Variants in GRB10 observed in about 807,000 individuals in gnomAD.
GRB10 encodes the protein growth factor receptor-bound protein 10.
Under a neutral mutation model 80.9 loss-of-function variants are expected in GRB10, and 20 were observed. That is an observed-to-expected ratio of 0.25 (90% CI 0.17 to 0.36). The LOEUF is 0.36. GRB10 is among the 10% of genes least tolerant of loss of function. The pLI is 1.00. For missense variants in GRB10, 548 were observed against 747.7 expected, an observed-to-expected ratio of 0.73 and a Z score of 3.12; for synonymous variants, 291 against 291.5, an observed-to-expected ratio of 1.00 and a Z score of 0.02.
chr7:50,754,749 G>C (rs1348626970), intron 3 of GRB10, among the ~76,000 whole-genome samples: 1 of 152,160 alleles, frequency 6.6e-6, no homozygotes, highest in East Asian at 1.9e-4. Flanking sequence ...AGGTCCCCCA[G>C]CCTCCCTTCA....
chr7:50,715,294 G>C (rs771213686), intron 4 of GRB10, among the ~76,000 whole-genome samples: 1 of 151,754 alleles, frequency 6.6e-6, no homozygotes, highest in Non-Finnish European at 1.5e-5. Flanking sequence ...GGCAGGGCAA[G>C]AGGACGGCGG....
At chr7:50,706,521 G>A (rs906665435) in intron 4 of GRB10, among the ~76,000 whole-genome samples, 1 of 152,104 alleles carries the variant, frequency 6.6e-6, no homozygotes. Context: ...GGAGGCAACC[G>A]CCTGTTTCAT....
chr7:50,610,775 A>T (rs1174289074), intron 13 of GRB10, among the ~76,000 whole-genome samples: 1 of 152,180 alleles, frequency 6.6e-6, no homozygotes, highest in Non-Finnish European at 1.5e-5. Flanking sequence ...ATATTATGTA[A>T]CACATCATTG....
chr7:50,774,144 G>A (rs1362558270), intron 2 of GRB10, among the ~76,000 whole-genome samples: 1 of 152,202 alleles, frequency 6.6e-6, no homozygotes, highest in Non-Finnish European at 1.5e-5. Context: ...AAATGTCCTG[G>A]ACAGGGAAAT....
intron 7 of GRB10, among the ~76,000 whole-genome samples, chr7:50,651,033 G>C (rs1055177820): frequency 6.6e-6 from 1 of 152,160 alleles, no homozygotes; most frequent in African/African-American, 2.4e-5. Flanking sequence ...CTTCCACTAT[G>C]ATTTTACCTA....
chr7:50,774,553 G>C (rs2077376205), intron 2 of GRB10, among the ~76,000 whole-genome samples: 1 of 152,118 alleles, frequency 6.6e-6, no homozygotes, highest in Non-Finnish European at 1.5e-5. Context: ...CCTTTGATGG[G>C]GGCAAGAATC....
At position 50,694,660 on chromosome 7, in the gene GRB10, C is replaced by G. The variant is rs149307946; in HGVS notation, c.139+9161G>C. On this transcript the variant is annotated intron_variant, in intron 5 of 18. Transcript: ENST00000401949. Reference sequence around the variant, plus strand: ...CACAGGCTGGCACTGATTACTGAAGCCTGTCTTCCTGGGGATGAGACCTCA... The same window carrying G: ...CACAGGCTGGCACTGATTACTGAAGGCTGTCTTCCTGGGGATGAGACCTCA... 1.2e-3 allele frequency among the ~76,000 whole-genome samples: 179 copies of G among 152,268 alleles called. 1 individual carries two copies. Among genetic ancestry groups the G allele is most frequent in the African/African-American group, 4.0e-3 (168 of 41,546 alleles).
At chr7:50,705,160 G>C in intron 4 of GRB10, 1 of 985,678 alleles carries the variant, frequency 1.0e-6, no homozygotes, top group Non-Finnish European at 1.2e-6. Flanking sequence ...ACAGGTTTAG[G>C]TCTGGTCAAC....
chr7:50,642,554 C>A (rs1035770857), intron 7 of GRB10, among the ~76,000 whole-genome samples: 2 of 151,798 alleles, frequency 1.3e-5, no homozygotes, highest in African/African-American at 2.4e-5. Context: ...ATACAAAATC[C>A]AAAAAACTCT....
chr7:50,602,070 C>T (rs1165316395), intron 17 of GRB10, among the ~76,000 whole-genome samples: 1 of 148,578 alleles, frequency 6.7e-6, no homozygotes, highest in Admixed American at 6.7e-5. Flanking sequence ...AAACTAACAA[C>T]AAAAACACCC....
At chr7:50,653,140 G>A (rs890817930) in intron 7 of GRB10, among the ~76,000 whole-genome samples, 31 of 152,154 alleles carry the variant, frequency 2.0e-4, no homozygotes, top group African/African-American at 5.5e-4. Context: ...GCCCCAGTAC[G>A]ATGAGGAGCA....
chr7:50,771,461 G>A (rs80226333), intron 2 of GRB10, among the ~76,000 whole-genome samples: 2,690 of 152,244 alleles, frequency 0.018, 82 homozygotes, highest in African/African-American at 0.057. Flanking sequence ...CACGAACAGC[G>A]AGAGTCAGAA....
intron 7 of GRB10, among the ~76,000 whole-genome samples, chr7:50,658,289 G>A (rs967529186): frequency 7.9e-5 from 12 of 152,316 alleles, no homozygotes; most frequent in Non-Finnish European, 1.8e-4. Flanking sequence ...CTGTTTGCTC[G>A]CAGTCATTTA....
intron 13 of GRB10, among the ~76,000 whole-genome samples, chr7:50,607,355 A>C (rs1020881262): frequency 6.6e-6 from 1 of 152,182 alleles, no homozygotes. Flanking sequence ...AATATATATA[A>C]AAAAATCTCT....
rs779848678 is a variant in GRB10 at position 50,703,924 on chromosome 7, C to T, written c.52-16G>A. On this transcript the variant is annotated splice_polypyrimidine_tract_variant and intron_variant, in intron 4 of 18. Coordinates refer to ENST00000401949, the MANE Select transcript of GRB10 (RefSeq NM_001350814.2). Reference sequence around the variant, plus strand: ...CCACCTTGTCCTAAAAAAACAGGACCGCAGCAGAAAGGCTGTGAGTTCACA... The same window carrying T: ...CCACCTTGTCCTAAAAAAACAGGACTGCAGCAGAAAGGCTGTGAGTTCACA... 9 of 1,596,880 alleles carry T rather than the reference C, an allele frequency of 5.6e-6. No homozygotes were observed. The highest frequency in any genetic ancestry group is 4.5e-5 in the East Asian group (2 of 44,684).
chr7:50,666,686 T>C (rs2059839855), intron 7 of GRB10, among the ~76,000 whole-genome samples: 1 of 152,120 alleles, frequency 6.6e-6, no homozygotes, highest in Non-Finnish European at 1.5e-5. Context: ...ACCTGGGGTC[T>C]CTGGACACCA....
chr7:50,770,761 A>T (rs377052993), intron 2 of GRB10, among the ~76,000 whole-genome samples: 1 of 151,688 alleles, frequency 6.6e-6, no homozygotes, highest in African/African-American at 2.4e-5. Context: ...CACTCTTCCC[A>T]TTTTTTTTGT....
chr7:50,693,623 T>A (rs1342590435), intron 5 of GRB10, among the ~76,000 whole-genome samples: 1 of 152,136 alleles, frequency 6.6e-6, no homozygotes, highest in Non-Finnish European at 1.5e-5. Flanking sequence ...TCCTGGGTTA[T>A]GACTCCAGCA....
intron 5 of GRB10, among the ~76,000 whole-genome samples, chr7:50,679,906 G>A (rs2061368263): frequency 6.6e-6 from 1 of 152,182 alleles, no homozygotes; most frequent in Non-Finnish European, 1.5e-5. Context: ...TTAAAACTTT[G>A]TGCAAATATA....
Sources: gnomAD v4.1 joint callset for allele counts (sites outside exome capture counted in the v4.1 genomes callset) on GRCh38, gnomAD v4.1.1 for gene constraint, MANE v1.5 for transcripts, NCBI Gene and HGNC (gene_info 2026-07-23, HGNC 2026-07-21) for gene names.